The following HCN1 variants were observed in gnomAD, a reference collection of about 807,000 sequenced individuals.
HCN1 encodes the protein hyperpolarization activated cyclic nucleotide gated potassium channel 1.
HCN1 carries 13 observed loss-of-function variants against 78.9 expected under a neutral mutation model. The ratio of observed to expected loss-of-function variants is 0.16; its 90% CI spans 0.11 to 0.26. The LOEUF is 0.26. HCN1 is among the 10% of genes least tolerant of loss of function. The probability of loss-of-function intolerance (pLI) is 1.00; values close to 1 mark genes in which losing one functional copy is unlikely to be tolerated. For missense variants in HCN1, 810 were observed against 1,154.3 expected, an observed-to-expected ratio of 0.70 and a Z score of 4.32; for synonymous variants, 552 against 455.5, an observed-to-expected ratio of 1.21 and a Z score of -2.70.
chr5:45,671,868 A>T (rs991935870), intron 1 of HCN1, among the ~76,000 whole-genome samples: 1 of 151,610 alleles, frequency 6.6e-6, no homozygotes, highest in African/African-American at 2.4e-5. Context: ...CTTTATCTTT[A>T]CAAAGTCACT....
intron 5 of HCN1, among the ~76,000 whole-genome samples, chr5:45,308,188 T>A (rs1278871169): frequency 6.6e-6 from 1 of 152,048 alleles, no homozygotes; most frequent in East Asian, 1.9e-4. Context: ...AGGCTCCCCT[T>A]CCCCTTCCAC....
chr5:45,271,401 C>CACACACACAG (rs1491448476), intron 6 of HCN1, among the ~76,000 whole-genome samples: 1 of 145,176 alleles, frequency 6.9e-6, no homozygotes, highest in African/African-American at 2.5e-5. Flanking sequence ...CACACACACA[C>CACACACACAG]AGACACAGTT....
At position 45,262,523 on chromosome 5, in the gene HCN1, A is replaced by C. The variant is rs780377541; in HGVS notation, c.2071T>G (p.Ser691Ala). The C allele has an allele frequency of 6.2e-7, 1 of 1,611,722 alleles. No homozygotes were observed. ...PSPSTQTPQPSAILSPCSYTT... is the reference protein window; with the variant it reads ...PSPSTQTPQPAAILSPCSYTT... ...TAGGAGCAGGGTGACAGGATGGCTG[A>C]TGGCTGGGGGGTCTGTGTGCTGGGA... Residue 691 changes from serine to alanine, a missense_variant, in exon 8 of 8, where the codon TCA (serine) becomes GCA (alanine). Ser to Ala is a moderately conservative substitution (Grantham distance 99). Transcript: ENST00000303230.
chr5:45,611,538 C>G (rs1744837419), intron 2 of HCN1, among the ~76,000 whole-genome samples: 2 of 151,920 alleles, frequency 1.3e-5, no homozygotes, highest in Admixed American at 1.3e-4. Flanking sequence ...TCCCAAAGTT[C>G]TGGGATTACA....
At chr5:45,414,837 C>T (rs1267712964) in intron 3 of HCN1, among the ~76,000 whole-genome samples, 1 of 151,954 alleles carries the variant, frequency 6.6e-6, no homozygotes, top group Non-Finnish European at 1.5e-5. Context: ...CTATCTTAGG[C>T]CCTAGGTTAC....
At chr5:45,417,763 A>C (rs910404847) in intron 3 of HCN1, among the ~76,000 whole-genome samples, 8 of 149,620 alleles carry the variant, frequency 5.3e-5, no homozygotes, top group African/African-American at 1.2e-4. Flanking sequence ...AAAAAAAAAA[A>C]AAAAAAAAAA....
chr5:45,428,571 C>G (rs1225832476), intron 3 of HCN1, among the ~76,000 whole-genome samples: 1 of 151,996 alleles, frequency 6.6e-6, no homozygotes, highest in Non-Finnish European at 1.5e-5. Context: ...AATTTATATA[C>G]ACATTTAATT....
chr5:45,646,376 T>C (rs1365829204), intron 1 of HCN1, among the ~76,000 whole-genome samples: 33 of 147,946 alleles, frequency 2.2e-4, no homozygotes, highest in African/African-American at 7.7e-4. Context: ...TCTTTTTTTT[T>C]TTTTTTTTTT....
chr5:45,557,445 C>A (rs1743493690), intron 2 of HCN1, among the ~76,000 whole-genome samples: 2 of 152,078 alleles, frequency 1.3e-5, no homozygotes, highest in Admixed American at 6.6e-5. Flanking sequence ...TCACATATTT[C>A]TTCCAAATTG....
intron 6 of HCN1, among the ~76,000 whole-genome samples, chr5:45,274,755 T>C (rs962794355): frequency 6.6e-6 from 1 of 152,200 alleles, no homozygotes; most frequent in Non-Finnish European, 1.5e-5. Flanking sequence ...TTCCTTAGAC[T>C]GTGTCTTGAG....
intron 5 of HCN1, among the ~76,000 whole-genome samples, chr5:45,318,098 A>G (rs540931065): frequency 6.6e-6 from 1 of 152,194 alleles, no homozygotes; most frequent in African/African-American, 2.4e-5. Flanking sequence ...TCATGCAGCT[A>G]TAAAAACACA....
chr5:45,490,712 C>T (rs1741863203), intron 2 of HCN1, among the ~76,000 whole-genome samples: 1 of 152,120 alleles, frequency 6.6e-6, no homozygotes, highest in Admixed American at 6.6e-5. Context: ...TCATGTGCCA[C>T]ATAAATATAC....
intron 2 of HCN1, among the ~76,000 whole-genome samples, chr5:45,538,702 A>G (rs1373147588): frequency 6.6e-6 from 1 of 152,232 alleles, no homozygotes; most frequent in Non-Finnish European, 1.5e-5. Context: ...CAGATGATAC[A>G]TCCAAATTAT....
At chr5:45,654,718 A>T (rs940838924) in intron 1 of HCN1, among the ~76,000 whole-genome samples, 3 of 152,148 alleles carry the variant, frequency 2.0e-5, no homozygotes, top group African/African-American at 7.2e-5. Flanking sequence ...AATGACTGTG[A>T]GTTACAGACA....
intron 4 of HCN1, among the ~76,000 whole-genome samples, chr5:45,374,853 T>A (rs898833592): frequency 2.0e-5 from 3 of 146,490 alleles, no homozygotes; most frequent in African/African-American, 7.5e-5. Flanking sequence ...CAAGTGATTT[T>A]GTAAAACTTA....
chr5:45,262,557 G>A lies in HCN1; in HGVS notation c.2037C>T (p.His679=), dbSNP rs762879493. ...GGGTCTGTGTGCTGGGACTGGGGGA[G>A]TGCAGGTTGCTGTGAGACAGGCTGG... The part of the protein sequence containing the change: ...TATSLSHSNL[H]SPSPSTQTPQ... The change falls in exon 8 of 8, where the codon CAC becomes CAT. Residue 679 remains histidine, a synonymous_variant. Transcript: ENST00000303230. 11 of 1,614,022 alleles carry A rather than the reference G, an allele frequency of 6.8e-6. No individual in the cohort carries two copies. Among genetic ancestry groups the A allele is most frequent in the East Asian group, 4.5e-5 (2 of 44,850 alleles).
At chr5:45,659,112 C>G (rs927519630) in intron 1 of HCN1, among the ~76,000 whole-genome samples, 1 of 152,028 alleles carries the variant, frequency 6.6e-6, no homozygotes, top group East Asian at 1.9e-4. Context: ...GATCTGAGAA[C>G]GGGCAGACTG....
At chr5:45,666,792 C>T (rs539629180) in intron 1 of HCN1, among the ~76,000 whole-genome samples, 3 of 152,056 alleles carry the variant, frequency 2.0e-5, no homozygotes, top group Non-Finnish European at 4.4e-5. Flanking sequence ...AATACCACAG[C>T]TTTAATAAAT....
intron 2 of HCN1, among the ~76,000 whole-genome samples, chr5:45,475,134 T>C (rs956981412): frequency 2.6e-5 from 4 of 151,998 alleles, no homozygotes; most frequent in African/African-American, 4.8e-5. Context: ...ATTATGAGTA[T>C]ATAAAATAAA....
Sources: allele counts gnomAD v4.1 joint callset (sites outside exome capture counted in the v4.1 genomes callset), GRCh38; gene constraint gnomAD v4.1.1; transcripts MANE v1.5; gene names NCBI Gene and HGNC (gene_info 2026-07-23, HGNC 2026-07-21).